Variants in SAMD4A observed in about 807,000 individuals in gnomAD.
SAMD4A encodes sterile alpha motif domain containing 4A, also known as protein Smaug homolog 1.
In SAMD4A, 33 loss-of-function variants were observed where a neutral mutation model predicts 81.3. The ratio of observed to expected loss-of-function variants is 0.41; its 90% CI spans 0.31 to 0.54. SAMD4A has a LOEUF of 0.54. SAMD4A is among the 20% of genes least tolerant of loss of function. The pLI is 0.37. For missense variants in SAMD4A, 854 were observed against 951.1 expected (o/e 0.90, Z 1.34); for synonymous variants, 389 against 382.1 (o/e 1.02, Z -0.21).
At position 54,772,967 on chromosome 14, in the gene SAMD4A, C is replaced by T. The variant is rs1244186762; in HGVS notation, c.1716-1967C>T. Among the ~76,000 whole-genome samples, 21 of 151,890 alleles carry T rather than the reference C, an allele frequency of 1.4e-4. 1 individual carries two copies. Among genetic ancestry groups the T allele is most frequent in the African/African-American group, 4.1e-4 (17 of 41,324 alleles). ...TTCAAACCAAAAAATCTGAAGCCTT[C>T]GTAAAAATGAAAACGAAATTTTTAA... On this transcript the variant is annotated intron_variant, in intron 9 of 12. Coordinates refer to ENST00000554335, the MANE Select transcript of SAMD4A (RefSeq NM_015589.6).
chr14:54,653,976 A>T (rs1480381188), intron 2 of SAMD4A, among the ~76,000 whole-genome samples: 2 of 152,220 alleles, frequency 1.3e-5, no homozygotes, highest in African/African-American at 4.8e-5. Context: ...ATTCGGTATG[A>T]AAGTATTTTA....
At chr14:54,639,472 AAGG>A (rs1274434486) in intron 2 of SAMD4A, among the ~76,000 whole-genome samples, 4 of 152,104 alleles carry the variant, frequency 2.6e-5, no homozygotes, top group African/African-American at 9.7e-5. Context: ...GAGGGGGGCA[AAGG>A]AGGGAGGAGG....
At chr14:54,729,238 C>G (rs533284257) in intron 3 of SAMD4A, among the ~76,000 whole-genome samples, 7 of 152,254 alleles carry the variant, frequency 4.6e-5, no homozygotes, top group African/African-American at 1.4e-4. Flanking sequence ...CAGTAGCAGT[C>G]TAGGTGGTGC....
At chr14:54,783,220 T>A (rs530507254) in intron 11 of SAMD4A, among the ~76,000 whole-genome samples, 7 of 146,944 alleles carry the variant, frequency 4.8e-5, no homozygotes, top group Non-Finnish European at 1.1e-4. Context: ...TCCTTCTACT[T>A]CTTCTACTTT....
chr14:54,717,594 C>A (rs1201521551), intron 3 of SAMD4A, among the ~76,000 whole-genome samples: 1 of 152,084 alleles, frequency 6.6e-6, no homozygotes, highest in Non-Finnish European at 1.5e-5. Context: ...TAAAAATGAC[C>A]ACATTTATAG....
At chr14:54,569,306 C>T (rs1232026197) in intron 2 of SAMD4A, among the ~76,000 whole-genome samples, 1 of 152,180 alleles carries the variant, frequency 6.6e-6, no homozygotes, top group African/African-American at 2.4e-5. Context: ...CTCATTCCTC[C>T]TCCCTAGTAT....
At chr14:54,623,900 A>T (rs549313627) in intron 2 of SAMD4A, among the ~76,000 whole-genome samples, 1 of 152,212 alleles carries the variant, frequency 6.6e-6, no homozygotes, top group Non-Finnish European at 1.5e-5. Context: ...TTCTGTTTTC[A>T]TAAGTTAGTG....
chr14:54,639,465 G>A (rs746991407), intron 2 of SAMD4A, among the ~76,000 whole-genome samples: 15 of 152,134 alleles, frequency 9.9e-5, no homozygotes, highest in Non-Finnish European at 5.9e-5. Flanking sequence ...TTGGCGTGAG[G>A]GGGGCAAAGG....
intron 2 of SAMD4A, among the ~76,000 whole-genome samples, chr14:54,628,694 C>T (rs2034824564): frequency 6.6e-6 from 1 of 152,234 alleles, no homozygotes; most frequent in African/African-American, 2.4e-5. Context: ...TCCTAACAAC[C>T]GTTTGACCTA....
At chr14:54,580,727 A>T (rs1173670878) in intron 2 of SAMD4A, among the ~76,000 whole-genome samples, 5 of 152,352 alleles carry the variant, frequency 3.3e-5, no homozygotes, top group Middle Eastern at 6.8e-3. Flanking sequence ...ACCTTTGTAT[A>T]GCACTAGTCT....
chr14:54,568,021 G>C lies in SAMD4A; in HGVS notation c.105G>C (p.Gln35His), dbSNP rs1307207540. The C allele has an allele frequency of 6.2e-7, 1 of 1,606,468 alleles. No individual in the cohort carries two copies. The highest frequency in any genetic ancestry group is 8.5e-7 in the Non-Finnish European group (1 of 1,179,432). ...TGTCGCTGCTCAAGCGCGTGAGCCA[G>C]ACCCAGGCCCGCTTCCTCCAGCTCT... ...ALLSLLKRVS[Q>H]TQARFLQLCL... The change falls in exon 2 of 13, where the codon CAG becomes CAC. Residue 35 changes from glutamine to histidine, a missense_variant. By Grantham distance (24) the Gln-to-His change is conservative. Transcript: ENST00000554335.
At position 54,789,746 on chromosome 14, in the gene SAMD4A, A is replaced by G. The variant is rs1211580631; in HGVS notation, c.*802A>G. ...GCTTCTTGGGAAGATGGATGCAGTCATGTAGGCCTGAGCTGTCCGTCTTTC... is the reference window on the plus strand; with the variant it reads ...GCTTCTTGGGAAGATGGATGCAGTCGTGTAGGCCTGAGCTGTCCGTCTTTC... On this transcript the variant is annotated 3_prime_UTR_variant, in exon 13 of 13. Transcript: ENST00000554335. The G allele has an allele frequency of 1.3e-5, 2 of 152,272 alleles. No homozygotes were observed. The highest frequency in any genetic ancestry group is 4.8e-5 in the African/African-American group (2 of 41,456). 9.4% of individuals were successfully genotyped at this position (152,272 alleles called of 1,614,324 possible).
At chr14:54,646,826 T>C (rs1427669051) in intron 2 of SAMD4A, among the ~76,000 whole-genome samples, 1 of 152,236 alleles carries the variant, frequency 6.6e-6, no homozygotes, top group East Asian at 1.9e-4. Flanking sequence ...ATTAGTTGTA[T>C]CCTGCCCGTT....
chr14:54,609,384 G>A (rs1350331864), intron 2 of SAMD4A, among the ~76,000 whole-genome samples: 1 of 152,220 alleles, frequency 6.6e-6, no homozygotes, highest in Non-Finnish European at 1.5e-5. Flanking sequence ...GTGAAGCCCT[G>A]CTGACACTTT....
intron 2 of SAMD4A, among the ~76,000 whole-genome samples, chr14:54,669,547 C>A (rs918545509): frequency 1.3e-4 from 19 of 144,348 alleles, no homozygotes; most frequent in African/African-American, 3.8e-4. Flanking sequence ...CAGCCCTGAA[C>A]TCCTAGGCTC....
At chr14:54,582,839 C>T (rs1180814827) in intron 2 of SAMD4A, among the ~76,000 whole-genome samples, 2 of 152,154 alleles carry the variant, frequency 1.3e-5, no homozygotes, top group African/African-American at 4.8e-5. Flanking sequence ...AGCTTATTCT[C>T]AAATGTTTAT....
chr14:54,628,154 T>C (rs1183579862), intron 2 of SAMD4A, among the ~76,000 whole-genome samples: 1 of 152,000 alleles, frequency 6.6e-6, no homozygotes, highest in Admixed American at 6.5e-5. Context: ...CACAACCCTG[T>C]AAGAGTAACT....
chr14:54,776,263 A>T, intron 10 of SAMD4A, 151 bp from the exon 11 acceptor site: 1 of 739,348 alleles, frequency 1.4e-6, no homozygotes, highest in Non-Finnish European at 2.1e-6. Flanking sequence ...CTCTCTCTAT[A>T]AATAAGCAGA....
intron 3 of SAMD4A, among the ~76,000 whole-genome samples, chr14:54,724,007 T>TGGATGGATGGATGGAAGGAA (rs1555347506): frequency 8.1e-6 from 1 of 124,176 alleles, no homozygotes; most frequent in African/African-American, 3.0e-5. Flanking sequence ...GATGGATGGA[T>TGGATGGATGGATGGAAGGAA]GGAAGGAAGG....
Sources: allele counts gnomAD v4.1 joint callset (sites outside exome capture counted in the v4.1 genomes callset), GRCh38; gene constraint gnomAD v4.1.1; transcripts MANE v1.5; gene names NCBI Gene and HGNC (gene_info 2026-07-23, HGNC 2026-07-21).